SCARA3: variants seen among roughly 807,000 people sequenced by gnomAD.
SCARA3 encodes cellular stress response gene protein.
In SCARA3, 39 loss-of-function variants were observed where a neutral mutation model predicts 47.0. That is an observed-to-expected ratio of 0.83 (90% CI 0.64 to 1.08). SCARA3 has a LOEUF of 1.08. Ranked by LOEUF, SCARA3 falls within the 50% of genes least tolerant of loss-of-function variation. The pLI is 0.00. For synonymous variants in SCARA3, 356 were observed against 334.1 expected (o/e 1.07, Z -0.71); for missense variants, 724 against 792.3 (o/e 0.91, Z 1.04).
chr8:27,641,880 A>G (rs542211696), intron 1 of SCARA3, among the ~76,000 whole-genome samples: 16 of 152,326 alleles, frequency 1.1e-4, no homozygotes, highest in Non-Finnish European at 1.9e-4. Context: ...AATTCATCCA[A>G]TCCAGGTGAT....
chr8:27,650,802 G>T (rs1371019740), intron 2 of SCARA3, among the ~76,000 whole-genome samples: 2 of 152,154 alleles, frequency 1.3e-5, no homozygotes, highest in Non-Finnish European at 2.9e-5. Context: ...AGAACTTCTG[G>T]TTCCCTGAAA....
At position 27,649,688 on chromosome 8, in the gene SCARA3, T is replaced by C. The variant is rs773260758; in HGVS notation, c.8-14T>C. 34 of 1,613,398 alleles carry C rather than the reference T, an allele frequency of 2.1e-5. No homozygotes were observed. Among genetic ancestry groups the C allele is most frequent in the Admixed American group, 1.7e-4 (10 of 60,002 alleles). ...GGGATGGCTTTGGGTCTGACGGCACTGGCTTCATTATAGTGAGGTCGGCCG... is the reference window on the plus strand; with the variant it reads ...GGGATGGCTTTGGGTCTGACGGCACCGGCTTCATTATAGTGAGGTCGGCCG... On this transcript the variant is annotated splice_polypyrimidine_tract_variant and intron_variant, in intron 1 of 5. Transcript: ENST00000301904.
chr8:27,670,121 A>G (rs1802111962), intron 5 of SCARA3, among the ~76,000 whole-genome samples: 1 of 152,170 alleles, frequency 6.6e-6, no homozygotes, highest in African/African-American at 2.4e-5. Flanking sequence ...ATGCAGAGCC[A>G]GACTCACAGG....
At chr8:27,647,423 C>A (rs1801528922) in intron 1 of SCARA3, among the ~76,000 whole-genome samples, 1 of 152,114 alleles carries the variant, frequency 6.6e-6, no homozygotes, top group African/African-American at 2.4e-5. Flanking sequence ...GGGGGTGGAC[C>A]CTTGAAAGCT....
At chr8:27,698,392 C>T in the SCARA3 span, among the ~76,000 whole-genome samples, 1 of 152,108 alleles carries the variant, frequency 6.6e-6, no homozygotes, top group Non-Finnish European at 1.5e-5. Flanking sequence ...GATATGACAA[C>T]AAGAGCACCA....
the SCARA3 span, among the ~76,000 whole-genome samples, chr8:27,685,667 G>A: frequency 1.3e-5 from 2 of 152,148 alleles, no homozygotes; most frequent in African/African-American, 4.8e-5. Context: ...TTCTATTTAA[G>A]AGAACCAGAC....
the SCARA3 span, among the ~76,000 whole-genome samples, chr8:27,732,435 G>A: frequency 7.2e-5 from 11 of 152,148 alleles, 1 homozygote; most frequent in Admixed American, 6.5e-4. Flanking sequence ...ATACCGCTAA[G>A]GTAGAAAGCT....
At chr8:27,662,807 C>T (rs953305905) in intron 5 of SCARA3, among the ~76,000 whole-genome samples, 6 of 152,302 alleles carry the variant, frequency 3.9e-5, no homozygotes, top group African/African-American at 1.4e-4. Flanking sequence ...TGGGTAACCT[C>T]CATACCTGCC....
intron 1 of SCARA3, among the ~76,000 whole-genome samples, chr8:27,635,100 A>G (rs1207056361): frequency 6.6e-6 from 1 of 152,176 alleles, no homozygotes; most frequent in Non-Finnish European, 1.5e-5. Flanking sequence ...TATGGAAAGT[A>G]GAAACTGAAA....
the SCARA3 span, among the ~76,000 whole-genome samples, chr8:27,714,998 C>T: frequency 6.6e-6 from 1 of 152,178 alleles, no homozygotes; most frequent in African/African-American, 2.4e-5. Context: ...TGGCTCACTG[C>T]AGCCTCAAAC....
chr8:27,641,265 G>T (rs1034200532), intron 1 of SCARA3, among the ~76,000 whole-genome samples: 1 of 152,228 alleles, frequency 6.6e-6, no homozygotes, highest in Admixed American at 6.5e-5. Context: ...CAGAATGCAC[G>T]AGAAGGCCTC....
the SCARA3 span, chr8:27,733,658 G>T: frequency 6.6e-6 from 1 of 152,066 alleles, no homozygotes; most frequent in African/African-American, 2.4e-5. Context: ...AAAATCAAAA[G>T]GTCACTCAGT....
chr8:27,709,708 G>A, the SCARA3 span, among the ~76,000 whole-genome samples: 1 of 152,206 alleles, frequency 6.6e-6, no homozygotes, highest in Non-Finnish European at 1.5e-5. Context: ...CAGGGCTGGA[G>A]CCAGGAAATC....
chr8:27,646,180 A>G (rs1801488726), intron 1 of SCARA3, among the ~76,000 whole-genome samples: 1 of 152,086 alleles, frequency 6.6e-6, no homozygotes, highest in Non-Finnish European at 1.5e-5. Context: ...TATGGAGCTG[A>G]GATGTCAGTG....
At chr8:27,687,064 G>C in the SCARA3 span, among the ~76,000 whole-genome samples, 1 of 152,154 alleles carries the variant, frequency 6.6e-6, no homozygotes, top group Non-Finnish European at 1.5e-5. Context: ...CTTTCCCCCA[G>C]GGGTGGGCAG....
chr8:27,712,566 A>AAAC, the SCARA3 span, among the ~76,000 whole-genome samples: 3 of 151,072 alleles, frequency 2.0e-5, no homozygotes, highest in Admixed American at 2.0e-4. Flanking sequence ...CCGTCTCAAA[A>AAAC]AAAAAAAAAA....
At chr8:27,664,228 A>C (rs1182540331) in intron 5 of SCARA3, among the ~76,000 whole-genome samples, 1 of 152,230 alleles carries the variant, frequency 6.6e-6, no homozygotes, top group Non-Finnish European at 1.5e-5. Flanking sequence ...GAAGGGCATT[A>C]GTAAATAGTT....
chr8:27,712,625 A>G, the SCARA3 span, among the ~76,000 whole-genome samples: 2 of 148,078 alleles, frequency 1.4e-5, no homozygotes, highest in African/African-American at 2.5e-5. Context: ...CTTCCTTTTT[A>G]GCACTGAATG....
At chr8:27,675,618 C>A (rs1017389592), downstream of SCARA3, among the ~76,000 whole-genome samples, 1 of 152,032 alleles carries the variant, frequency 6.6e-6, no homozygotes, top group Admixed American at 6.5e-5. Context: ...GGTGAAACCC[C>A]GTCTCTACTG....
Sources: gnomAD v4.1 joint callset for allele counts (sites outside exome capture counted in the v4.1 genomes callset) on GRCh38, gnomAD v4.1.1 for gene constraint, MANE v1.5 for transcripts, NCBI Gene and HGNC (gene_info 2026-07-23, HGNC 2026-07-21) for gene names.